KALRN: variants seen among roughly 807,000 people sequenced by gnomAD.
KALRN encodes kalirin RhoGEF kinase, also known as kalirin.
A neutral mutation model predicts 353.7 loss-of-function variants in KALRN; 70 were observed. The ratio of observed to expected loss-of-function variants is 0.20; its 90% CI spans 0.16 to 0.24. The LOEUF is 0.24. Ranked by LOEUF, KALRN falls within the 10% of genes least tolerant of loss-of-function variation. The pLI, the probability that KALRN is intolerant of heterozygous loss-of-function variation, is 1.00. For synonymous variants in KALRN, 1,391 were observed against 1,434.8 expected, an observed-to-expected ratio of 0.97 and a Z score of 0.69; for missense variants, 2,791 against 3,756.7, an observed-to-expected ratio of 0.74 and a Z score of 6.72.
chr3:124,419,864 G>C (rs1056100162), intron 14 of KALRN, among the ~76,000 whole-genome samples: 1 of 152,134 alleles, frequency 6.6e-6, no homozygotes, highest in East Asian at 1.9e-4. Flanking sequence ...ATTTCTAAGA[G>C]CCCCTAAGAA....
Position 124,699,908 on chromosome 3 carries a change from A to G in KALRN, c.7871A>G (p.Asp2624Gly). 6.2e-7 allele frequency: 1 copy of G among 1,614,142 alleles called. No homozygotes were observed. The highest frequency in any genetic ancestry group is 1.1e-5 in the South Asian group (1 of 91,082). Residue 2624 changes from aspartate (D) to glycine (G), a missense_variant, in exon 56 of 60, where the codon GAC becomes GGC. Asp to Gly is a moderately conservative substitution (Grantham distance 94). Around this residue, in one of 11 missense-constraint regions of KALRN, gnomAD observed 1,065 missense variants for 1,156.4 expected, o/e 0.92. Transcript: ENST00000682506. ...IWQQSVASTL[D>G]TYLVIEDLSP... ...CAGCAGTCAGTGGCTTCGACCTTGG[A>G]CACTTACCTCGTCATCGAAGACCTT...
chr3:124,138,853 A>G (rs927362181), intron 1 of KALRN, among the ~76,000 whole-genome samples: 1 of 152,144 alleles, frequency 6.6e-6, no homozygotes, highest in Non-Finnish European at 1.5e-5. Flanking sequence ...ATTCATCTCC[A>G]TGACACTTCT....
At chr3:124,258,537 C>A (rs1206412551) in intron 3 of KALRN, among the ~76,000 whole-genome samples, 2 of 152,176 alleles carry the variant, frequency 1.3e-5, no homozygotes, top group Non-Finnish European at 2.9e-5. Flanking sequence ...CCTGTCAATT[C>A]TATTCTTGAC....
At chr3:124,167,642 C>T (rs955125541) in intron 1 of KALRN, among the ~76,000 whole-genome samples, 2 of 152,154 alleles carry the variant, frequency 1.3e-5, no homozygotes, top group African/African-American at 4.8e-5. Context: ...CAGGTATTCT[C>T]TGTATAAAAT....
At chr3:124,316,386 T>C (rs148601944) in intron 6 of KALRN, among the ~76,000 whole-genome samples, 69 of 152,342 alleles carry the variant, frequency 4.5e-4, no homozygotes, top group Non-Finnish European at 7.1e-4. Context: ...CATGTCTTCC[T>C]TTCCTCATAA....
At chr3:124,041,756 G>T (rs1027731027) in intron 1 of KALRN, among the ~76,000 whole-genome samples, 3 of 152,212 alleles carry the variant, frequency 2.0e-5, no homozygotes, top group Non-Finnish European at 2.9e-5. Flanking sequence ...ACTCCTTTGT[G>T]TATGAATGAC....
chr3:124,484,046 G>A (rs914961773), intron 28 of KALRN, among the ~76,000 whole-genome samples: 5 of 152,216 alleles, frequency 3.3e-5, no homozygotes, highest in African/African-American at 4.8e-5. Flanking sequence ...GATAGTAGGG[G>A]ACATGTTATA....
chr3:124,493,501 G>A (rs1334230159), intron 32 of KALRN, among the ~76,000 whole-genome samples: 3 of 152,122 alleles, frequency 2.0e-5, no homozygotes, highest in Admixed American at 6.6e-5. Flanking sequence ...GTCTCCATGT[G>A]ACACCTACAC....
chr3:124,473,929 T>C (rs2061190745), intron 25 of KALRN, among the ~76,000 whole-genome samples: 1 of 152,216 alleles, frequency 6.6e-6, no homozygotes, highest in Non-Finnish European at 1.5e-5. Context: ...GCAAATACCA[T>C]CCTAATAAAG....
chr3:124,374,437 GAT>G (rs1021188897), intron 10 of KALRN: 2 of 152,216 alleles, frequency 1.3e-5, no homozygotes, highest in African/African-American at 4.8e-5. Context: ...GCTTCCTACA[GAT>G]GTATATAGGC....
chr3:124,651,178 T>G (rs2083375815), intron 38 of KALRN, among the ~76,000 whole-genome samples: 1 of 152,150 alleles, frequency 6.6e-6, no homozygotes. Flanking sequence ...CAAAGTGTGG[T>G]TGTAGGTCTG....
chr3:124,324,951 G>T (rs942086532), intron 6 of KALRN, among the ~76,000 whole-genome samples: 2 of 152,200 alleles, frequency 1.3e-5, no homozygotes, highest in African/African-American at 4.8e-5. Flanking sequence ...TGCAGACATT[G>T]TGTGATTCGG....
intron 33 of KALRN, among the ~76,000 whole-genome samples, chr3:124,534,627 ACT>A (rs2068355397): frequency 6.6e-6 from 1 of 152,062 alleles, no homozygotes; most frequent in African/African-American, 2.4e-5. Flanking sequence ...AAAGTAAAGG[ACT>A]CTATGAACTG....
intron 1 of KALRN, among the ~76,000 whole-genome samples, chr3:124,189,592 C>G (rs2074650932): frequency 6.6e-6 from 1 of 151,732 alleles, no homozygotes; most frequent in African/African-American, 2.4e-5. Context: ...CACCTGAGGT[C>G]AGGCGTTCAA....
intron 18 of KALRN, among the ~76,000 whole-genome samples, chr3:124,440,226 A>G (rs1310462080): frequency 1.3e-5 from 2 of 152,272 alleles, no homozygotes; most frequent in South Asian, 2.1e-4. Context: ...TTAAAATGGA[A>G]CAATTTAAGT....
In KALRN at chr3:124,595,054, A is replaced by AT. The variant is rs755350427; in HGVS notation, c.5182+31974dup. 1.3e-3 allele frequency among the ~76,000 whole-genome samples: 199 copies of AT among 151,088 alleles called. 4 individuals carry two copies. The East Asian group carries it at 0.029, about 22-fold the overall frequency. ...TATTGCAACTAGGAAGAGAACCTTG[A>AT]TTTTTTTTTCTGAGAAAAATCATAC... is the stretch of plus-strand genomic sequence containing the variant. On this transcript the variant is annotated intron_variant, in intron 34 of 59. Coordinates refer to ENST00000682506, the MANE Select transcript of KALRN (RefSeq NM_001388419.1).
intron 9 of KALRN, among the ~76,000 whole-genome samples, chr3:124,336,492 C>G (rs2081149812): frequency 6.6e-6 from 1 of 152,026 alleles, no homozygotes; most frequent in Admixed American, 6.6e-5. Context: ...TCCATGGTGT[C>G]CTCTTTACCC....
chr3:124,357,635 T>C (rs866925421), intron 10 of KALRN, among the ~76,000 whole-genome samples: 9 of 152,208 alleles, frequency 5.9e-5, no homozygotes, highest in African/African-American at 2.2e-4. Context: ...GTCTCAAGTA[T>C]ACCTCCTCTA....
At chr3:124,379,944 A>G (rs537981075) in intron 10 of KALRN, among the ~76,000 whole-genome samples, 5 of 151,018 alleles carry the variant, frequency 3.3e-5, no homozygotes, top group East Asian at 3.9e-4. Flanking sequence ...TTTTCCTTTC[A>G]TCTCATTACG....
Sources: allele counts gnomAD v4.1 joint callset (sites outside exome capture counted in the v4.1 genomes callset), GRCh38; gene constraint gnomAD v4.1.1; regional missense constraint gnomAD v4.1.1; transcripts MANE v1.5; gene names NCBI Gene and HGNC (gene_info 2026-07-23, HGNC 2026-07-21).